FRMPD4: variants seen among roughly 807,000 people sequenced by gnomAD.
The protein encoded by FRMPD4 is FERM and PDZ domain-containing protein 4.
In FRMPD4, 22 loss-of-function variants were observed where a neutral mutation model predicts 94.1. That is an observed-to-expected ratio of 0.23 (90% CI 0.17 to 0.33). The LOEUF (loss-of-function observed/expected upper bound fraction) is 0.33. Ranked by LOEUF, FRMPD4 falls within the 10% of genes least tolerant of loss-of-function variation. FRMPD4 has a pLI of 1.00. For synonymous variants in FRMPD4, 631 were observed against 548.6 expected (o/e 1.15, Z -2.10); for missense variants, 1,111 against 1,339.9 (o/e 0.83, Z 2.67).
chrX:12,368,137 G>A (rs1198241558), intron 1 of FRMPD4, among the ~76,000 whole-genome samples: 1 of 112,135 alleles, frequency 8.9e-6, no homozygotes, highest in Non-Finnish European at 1.9e-5. Flanking sequence ...TGGTGGTGAA[G>A]AGCTGGCCCC....
chrX:12,647,580 T>C (rs1265106885), intron 4 of FRMPD4, among the ~76,000 whole-genome samples: 2 of 111,819 alleles, frequency 1.8e-5, no homozygotes, highest in Non-Finnish European at 3.8e-5. Flanking sequence ...GCCTCCTCAA[T>C]TGTCTGCTGT....
chrX:12,293,946 T>C (rs987709165), intron 1 of FRMPD4, among the ~76,000 whole-genome samples: 1 of 112,138 alleles, frequency 8.9e-6, no homozygotes, highest in Non-Finnish European at 1.9e-5. Flanking sequence ...AATGAGGAAA[T>C]ATTTATTAGG....
intron 4 of FRMPD4, among the ~76,000 whole-genome samples, chrX:12,658,014 C>G (rs2059676063): frequency 9.0e-6 from 1 of 111,674 alleles, no homozygotes; most frequent in Non-Finnish European, 1.9e-5. Context: ...CAGAGGAGTT[C>G]TTTCCAGTTG....
intron 1 of FRMPD4, among the ~76,000 whole-genome samples, chrX:12,308,525 C>G (rs2054980084): frequency 9.0e-6 from 1 of 111,518 alleles, no homozygotes; most frequent in Non-Finnish European, 1.9e-5. Flanking sequence ...CTCTTCCCTG[C>G]TGTGCTCCGG....
At chrX:12,248,970 C>T (rs1397610893) in intron 1 of FRMPD4, among the ~76,000 whole-genome samples, 1 of 112,569 alleles carries the variant, frequency 8.9e-6, no homozygotes, top group Non-Finnish European at 1.9e-5. Context: ...ACCCAGGAGG[C>T]GGAGATTGCA....
At chrX:12,372,948 G>C (rs2056183131) in intron 1 of FRMPD4, among the ~76,000 whole-genome samples, 1 of 111,866 alleles carries the variant, frequency 8.9e-6, no homozygotes, top group Admixed American at 9.5e-5. Context: ...GCAAGGAGTT[G>C]ATGGACCAAA....
At chrX:11,829,172 A>G (rs1024050113) in intron 1 of FRMPD4, among the ~76,000 whole-genome samples, 4 of 112,052 alleles carry the variant, frequency 3.6e-5, no homozygotes, top group Non-Finnish European at 5.6e-5. Context: ...CTCATCCAGA[A>G]ATACCCTCCT....
At chrX:12,258,287 C>T (rs1243889557) in intron 1 of FRMPD4, among the ~76,000 whole-genome samples, 1 of 110,747 alleles carries the variant, frequency 9.0e-6, no homozygotes, top group East Asian at 2.8e-4. Flanking sequence ...CATGAGGGCT[C>T]TGCCTTCATG....
chrX:12,292,657 T>C (rs2054707798), intron 1 of FRMPD4, among the ~76,000 whole-genome samples: 1 of 111,891 alleles, frequency 8.9e-6, no homozygotes, highest in Non-Finnish European at 1.9e-5. Flanking sequence ...AACGAACAAA[T>C]TGAGGTCAGA....
At chrX:12,546,581 A>C (rs1240470463) in intron 2 of FRMPD4, among the ~76,000 whole-genome samples, 3 of 112,149 alleles carry the variant, frequency 2.7e-5, no homozygotes, top group African/African-American at 9.7e-5. Context: ...CAGAAATTGG[A>C]ACACTGAATA....
At chrX:11,852,603 CA>C (rs2053631221) in intron 1 of FRMPD4, among the ~76,000 whole-genome samples, 1 of 111,300 alleles carries the variant, frequency 9.0e-6, no homozygotes, top group African/African-American at 3.3e-5. Context: ...GCAGGGGTTA[CA>C]ATCCTAGTTT....
intron 3 of FRMPD4, among the ~76,000 whole-genome samples, chrX:12,052,052 A>G (rs781698495): frequency 2.7e-5 from 3 of 112,040 alleles, no homozygotes; most frequent in African/African-American, 9.7e-5. Flanking sequence ...TCATTTGGAC[A>G]TATTTTAAGG....
At chrX:12,543,847 A>T (rs1602103683) in intron 2 of FRMPD4, among the ~76,000 whole-genome samples, 1 of 109,552 alleles carries the variant, frequency 9.1e-6, no homozygotes, top group Non-Finnish European at 1.9e-5. Context: ...CAAATGTCCA[A>T]CAATGATAGA....
intron 3 of FRMPD4, among the ~76,000 whole-genome samples, chrX:11,894,480 TA>T (rs1288948119): frequency 8.9e-6 from 1 of 112,348 alleles, no homozygotes; most frequent in Non-Finnish European, 1.9e-5. Context: ...ACAACCATTT[TA>T]AAAATGATTA....
chrX:11,956,244 A>G (rs984841652), intron 3 of FRMPD4, among the ~76,000 whole-genome samples: 3 of 112,026 alleles, frequency 2.7e-5, no homozygotes, highest in African/African-American at 9.7e-5. Context: ...TCACATAGCT[A>G]GAACTAGGCG....
At chrX:11,947,457 G>A (rs2054195060) in intron 3 of FRMPD4, among the ~76,000 whole-genome samples, 1 of 111,956 alleles carries the variant, frequency 8.9e-6, no homozygotes, top group Non-Finnish European at 1.9e-5. Context: ...TTGATATAAA[G>A]CGAACACTTA....
intron 2 of FRMPD4, among the ~76,000 whole-genome samples, chrX:12,572,050 T>C (rs1349727595): frequency 8.9e-6 from 1 of 112,183 alleles, no homozygotes; most frequent in Non-Finnish European, 1.9e-5. Flanking sequence ...TTTCTCCAAG[T>C]GTGTTATTAT....
chrX:11,860,010 T>C (rs1431384498), intron 1 of FRMPD4, among the ~76,000 whole-genome samples: 1 of 112,329 alleles, frequency 8.9e-6, no homozygotes, highest in Non-Finnish European at 1.9e-5. Context: ...TAACTTTGTT[T>C]AATTTTTGCC....
At chrX:12,606,001 G>A (rs1225105779) in intron 2 of FRMPD4, among the ~76,000 whole-genome samples, 1 of 112,289 alleles carries the variant, frequency 8.9e-6, no homozygotes, top group South Asian at 3.7e-4. Flanking sequence ...GGCGTTTTAC[G>A]AATTGACTAA....
Sources: allele counts gnomAD v4.1 joint callset (sites outside exome capture counted in the v4.1 genomes callset), GRCh38; gene constraint gnomAD v4.1.1; transcripts MANE v1.5; gene names NCBI Gene and HGNC (gene_info 2026-07-23, HGNC 2026-07-21).